The following MARCHF1 variants were observed in gnomAD, a reference collection of about 807,000 sequenced individuals.
The protein encoded by MARCHF1 is E3 ubiquitin-protein ligase MARCHF1.
MARCHF1 carries 40 observed loss-of-function variants against 54.2 expected under a neutral mutation model. The observed-to-expected ratio is 0.74, with a 90% CI of 0.57 to 0.96. MARCHF1 has a LOEUF of 0.96. MARCHF1 is among the 40% of genes least tolerant of loss of function. The pLI is 0.00. For missense variants in MARCHF1, 586 were observed against 656.5 expected, an observed-to-expected ratio of 0.89 and a Z score of 1.17; for synonymous variants, 236 against 236.3, an observed-to-expected ratio of 1.00 and a Z score of 0.01.
At chr4:164,009,757 GA>G (rs1282272394) in intron 2 of MARCHF1, among the ~76,000 whole-genome samples, 3 of 149,360 alleles carry the variant, frequency 2.0e-5, no homozygotes, top group Admixed American at 6.7e-5. Context: ...TAATGGTAAA[GA>G]AAAAAAAAGC....
At chr4:164,280,867 T>C (rs1001173385) in intron 1 of MARCHF1, among the ~76,000 whole-genome samples, 5 of 152,268 alleles carry the variant, frequency 3.3e-5, no homozygotes, top group East Asian at 1.9e-4. Flanking sequence ...TAGATATTAG[T>C]TGTAATTTTA....
chr4:163,597,342 A>G (rs1370510471), intron 7 of MARCHF1, among the ~76,000 whole-genome samples: 1 of 152,214 alleles, frequency 6.6e-6, no homozygotes, highest in Non-Finnish European at 1.5e-5. Context: ...TAAAATTACA[A>G]AAGCTTATTT....
At chr4:163,949,986 T>C (rs1752102138) in intron 3 of MARCHF1, among the ~76,000 whole-genome samples, 1 of 152,190 alleles carries the variant, frequency 6.6e-6, no homozygotes, top group Admixed American at 6.5e-5. Context: ...TCCAGGGTTT[T>C]ATGAACTTTA....
chr4:163,625,070 T>C (rs1324753287), intron 5 of MARCHF1, among the ~76,000 whole-genome samples: 1 of 152,222 alleles, frequency 6.6e-6, no homozygotes, highest in Non-Finnish European at 1.5e-5. Flanking sequence ...ACTTCAGCAA[T>C]TCTTTTTAAT....
chr4:163,950,110 T>C (rs1020209736), intron 3 of MARCHF1, among the ~76,000 whole-genome samples: 7 of 152,136 alleles, frequency 4.6e-5, no homozygotes. Flanking sequence ...AGGCCCAGCC[T>C]GAAGGTGGGG....
intron 2 of MARCHF1, among the ~76,000 whole-genome samples, chr4:164,073,188 T>C (rs1483631338): frequency 1.3e-5 from 2 of 152,148 alleles, no homozygotes; most frequent in East Asian, 1.9e-4. Context: ...CAGATGAGTA[T>C]TGGAAGTGTG....
intron 4 of MARCHF1, among the ~76,000 whole-genome samples, chr4:163,812,911 C>T (rs1748433630): frequency 6.6e-6 from 1 of 152,112 alleles, no homozygotes; most frequent in African/African-American, 2.4e-5. Context: ...GGGGATAGGA[C>T]AATGCTACCA....
intron 2 of MARCHF1, among the ~76,000 whole-genome samples, chr4:164,098,787 A>G (rs1418303049): frequency 1.3e-5 from 2 of 152,166 alleles, no homozygotes; most frequent in East Asian, 3.9e-4. Context: ...CTGACCATCT[A>G]TATTCATAAC....
intron 3 of MARCHF1, among the ~76,000 whole-genome samples, chr4:163,974,759 C>T (rs1053766317): frequency 4.6e-5 from 7 of 152,090 alleles, no homozygotes; most frequent in Non-Finnish European, 7.4e-5. Flanking sequence ...GACCTGGTGA[C>T]GGTGTTTATG....
At chr4:164,031,795 T>C (rs1247627767) in intron 2 of MARCHF1, among the ~76,000 whole-genome samples, 1 of 152,198 alleles carries the variant, frequency 6.6e-6, no homozygotes, top group East Asian at 1.9e-4. Context: ...AAATTCTCTT[T>C]TTTTGTTATG....
chr4:164,002,714 T>C (rs1303033640), intron 2 of MARCHF1, among the ~76,000 whole-genome samples: 1 of 151,788 alleles, frequency 6.6e-6, no homozygotes, highest in Non-Finnish European at 1.5e-5. Context: ...AAGAAGCCCA[T>C]CAAATCCCAA....
chr4:163,613,451 C>T (rs867829538), intron 5 of MARCHF1, 58 bp from the exon 6 acceptor site: 2 of 1,612,730 alleles, frequency 1.2e-6, no homozygotes, highest in African/African-American at 1.3e-5. Flanking sequence ...TGGTTGATAT[C>T]TTGCTTTTTT....
intron 3 of MARCHF1, among the ~76,000 whole-genome samples, chr4:163,938,295 A>G (rs796331727): frequency 5.1e-4 from 77 of 152,322 alleles, no homozygotes; most frequent in African/African-American, 1.8e-3. Context: ...ATGTATATCC[A>G]CAATACAATC....
intron 4 of MARCHF1, among the ~76,000 whole-genome samples, chr4:163,795,179 T>C (rs897214020): frequency 1.3e-5 from 2 of 152,246 alleles, no homozygotes; most frequent in Admixed American, 6.5e-5. Context: ...ACATGCTGCA[T>C]AGATGCTGCA....
intron 2 of MARCHF1, among the ~76,000 whole-genome samples, chr4:164,097,135 A>T (rs985072264): frequency 2.0e-5 from 3 of 152,184 alleles, no homozygotes; most frequent in Admixed American, 6.5e-5. Context: ...ATGTAATGCA[A>T]GTCTCACAAC....
At chr4:163,645,944 A>C (rs1039408305) in intron 5 of MARCHF1, among the ~76,000 whole-genome samples, 1 of 152,222 alleles carries the variant, frequency 6.6e-6, no homozygotes, top group Non-Finnish European at 1.5e-5. Context: ...AGAACAAAAA[A>C]GGAGCAAAAA....
At chr4:164,236,869 T>A (rs954644309) in intron 1 of MARCHF1, among the ~76,000 whole-genome samples, 1 of 152,168 alleles carries the variant, frequency 6.6e-6, no homozygotes, top group African/African-American at 2.4e-5. Flanking sequence ...CTAAAAACTG[T>A]GAATTTTATA....
At chr4:164,324,444 T>C (rs555360165) in intron 1 of MARCHF1, among the ~76,000 whole-genome samples, 70 of 151,778 alleles carry the variant, frequency 4.6e-4, no homozygotes, top group African/African-American at 1.7e-3. Context: ...AATAAAATTG[T>C]CTGTATAAAT....
At chr4:164,146,764 C>T (rs1042297854) in intron 1 of MARCHF1, among the ~76,000 whole-genome samples, 1 of 152,118 alleles carries the variant, frequency 6.6e-6, no homozygotes, top group Non-Finnish European at 1.5e-5. Flanking sequence ...TAGGCATGGG[C>T]AAGAACTTCA....
Sources: gnomAD v4.1 joint callset for allele counts (sites outside exome capture counted in the v4.1 genomes callset) on GRCh38, gnomAD v4.1.1 for gene constraint, MANE v1.5 for transcripts, NCBI Gene and HGNC (gene_info 2026-07-23, HGNC 2026-07-21) for gene names.